Variants in CDH4 observed in about 807,000 individuals in gnomAD.
CDH4 encodes the protein cadherin-4.
A neutral mutation model predicts 86.0 loss-of-function variants in CDH4; 33 were observed. The ratio of observed to expected loss-of-function variants is 0.38; its 90% CI spans 0.29 to 0.51. The LOEUF (loss-of-function observed/expected upper bound fraction) is 0.51, where lower values mean the gene tolerates loss of function less well. Among genes scored for constraint, CDH4 ranks in the 20% least tolerant of loss-of-function variants. The probability of loss-of-function intolerance (pLI) is 0.86; values close to 1 mark genes in which losing one functional copy is unlikely to be tolerated. For synonymous variants in CDH4, 555 were observed against 549.4 expected (o/e 1.01, Z -0.14); for missense variants, 1,114 against 1,307.4 (o/e 0.85, Z 2.28).
At chr20:61,587,992 G>C (rs772485324) in intron 2 of CDH4, among the ~76,000 whole-genome samples, 10 of 152,112 alleles carry the variant, frequency 6.6e-5, no homozygotes, top group Non-Finnish European at 1.5e-4. Flanking sequence ...CTGTAAAAGT[G>C]TACAGATTTG....
intron 2 of CDH4, among the ~76,000 whole-genome samples, chr20:61,255,176 C>T (rs1049479577): frequency 1.3e-5 from 2 of 152,176 alleles, no homozygotes; most frequent in East Asian, 1.9e-4. Context: ...AACTGTAATT[C>T]GGATGTAACA....
At chr20:61,706,844 C>T (rs1292378918) in intron 2 of CDH4, among the ~76,000 whole-genome samples, 1 of 152,366 alleles carries the variant, frequency 6.6e-6, no homozygotes, top group Admixed American at 6.5e-5. Flanking sequence ...CCGACCTCCA[C>T]ATTAGCCGCA....
Position 61,934,138 on chromosome 20 carries a change from A to T in CDH4, c.2462A>T (p.Glu821Val). ...SKAPGVRRVD[E>V]RPVGAEPQYP... ...GCCCCTGGCGTGCGTCGCGTGGATGAGCGGCCGGTGGGCGCTGAGCCCCAG... is the reference window on the plus strand; with the variant it reads ...GCCCCTGGCGTGCGTCGCGTGGATGTGCGGCCGGTGGGCGCTGAGCCCCAG... Residue 821 changes from glutamate (E) to valine (V), a missense_variant, in exon 15 of 16, where the codon GAG becomes GTG. Transcript: ENST00000614565. 6.2e-7 allele frequency: 1 copy of T among 1,610,992 alleles called. No homozygotes were observed. The highest frequency in any genetic ancestry group is 8.5e-7 in the Non-Finnish European group (1 of 1,179,238).
chr20:61,737,930 G>A (rs938540689), intron 2 of CDH4, among the ~76,000 whole-genome samples: 7 of 152,344 alleles, frequency 4.6e-5, no homozygotes, highest in East Asian at 1.9e-4. Flanking sequence ...GTAGGTGTGC[G>A]CAGGGCTGCT....
chr20:61,563,265 C>T (rs916236847), intron 2 of CDH4, among the ~76,000 whole-genome samples: 1 of 152,220 alleles, frequency 6.6e-6, no homozygotes, highest in Non-Finnish European at 1.5e-5. Context: ...TGAAAGTAGC[C>T]GTTTTCACAA....
chr20:61,545,050 G>A (rs2086067861), intron 2 of CDH4, among the ~76,000 whole-genome samples: 1 of 152,216 alleles, frequency 6.6e-6, no homozygotes, highest in Non-Finnish European at 1.5e-5. Context: ...CAGATGGCAG[G>A]AGCGCCCTCG....
At chr20:61,401,089 C>A (rs575573641) in intron 2 of CDH4, among the ~76,000 whole-genome samples, 1 of 152,338 alleles carries the variant, frequency 6.6e-6, no homozygotes, top group South Asian at 2.1e-4. Context: ...ATGCAGGCCT[C>A]TCCAGCCTCA....
chr20:61,751,262 C>T (rs530454955), intron 3 of CDH4, among the ~76,000 whole-genome samples: 3 of 152,330 alleles, frequency 2.0e-5, no homozygotes, highest in South Asian at 4.1e-4. Context: ...ACCCACTAAA[C>T]GCCAGGTAAA....
intron 5 of CDH4, 119 bp from the exon 6 acceptor site, chr20:61,852,635 C>G: frequency 9.9e-7 from 1 of 1,013,306 alleles, no homozygotes; most frequent in Non-Finnish European, 1.4e-6. Flanking sequence ...CCCCCCGGCC[C>G]CTATAGCCAA....
intron 2 of CDH4, among the ~76,000 whole-genome samples, chr20:61,475,250 G>A (rs2085527473): frequency 6.6e-6 from 1 of 151,926 alleles, no homozygotes; most frequent in Non-Finnish European, 1.5e-5. Context: ...AATAAAATCA[G>A]CCAAACCACA....
intron 2 of CDH4, among the ~76,000 whole-genome samples, chr20:61,487,351 A>G (rs1326597667): frequency 2.0e-5 from 3 of 152,114 alleles, no homozygotes; most frequent in Non-Finnish European, 4.4e-5. Context: ...GGGGTGAGGA[A>G]TGAAATTTGG....
intron 2 of CDH4, among the ~76,000 whole-genome samples, chr20:61,458,648 G>A (rs1192063512): frequency 6.6e-6 from 1 of 152,150 alleles, no homozygotes; most frequent in African/African-American, 2.4e-5. Context: ...TGGTGGTGAT[G>A]ATGGTGATAA....
At chr20:61,859,859 C>T (rs191380501) in intron 6 of CDH4, among the ~76,000 whole-genome samples, 24 of 152,384 alleles carry the variant, frequency 1.6e-4, no homozygotes, top group African/African-American at 5.3e-4. Flanking sequence ...TCACCTGTGT[C>T]CCTCCACCAG....
At chr20:61,915,905 T>C (rs1030969960) in intron 9 of CDH4, among the ~76,000 whole-genome samples, 1 of 152,116 alleles carries the variant, frequency 6.6e-6, no homozygotes, top group Admixed American at 6.5e-5. Flanking sequence ...TTTGAGGAGC[T>C]GAGAGCACAG....
At chr20:61,821,963 C>T (rs562698247) in intron 4 of CDH4, among the ~76,000 whole-genome samples, 1 of 152,380 alleles carries the variant, frequency 6.6e-6, no homozygotes, top group African/African-American at 2.4e-5. Flanking sequence ...ATTCCCCAGG[C>T]TCTTCATGAG....
chr20:61,667,556 C>T (rs564547113), intron 2 of CDH4, among the ~76,000 whole-genome samples: 9 of 152,324 alleles, frequency 5.9e-5, no homozygotes, highest in African/African-American at 1.4e-4. Context: ...CCCACTGCAC[C>T]AGCTGCACAT....
chr20:61,893,664 T>C (rs1461639049), intron 7 of CDH4, among the ~76,000 whole-genome samples: 2 of 139,772 alleles, frequency 1.4e-5, no homozygotes, highest in African/African-American at 5.5e-5. Flanking sequence ...GATGGGTGAA[T>C]AGAGGGATAG....
At chr20:61,767,806 C>T (rs2088718068) in intron 3 of CDH4, among the ~76,000 whole-genome samples, 1 of 152,182 alleles carries the variant, frequency 6.6e-6, no homozygotes, top group South Asian at 2.1e-4. Context: ...GGCCAGTTTC[C>T]AGGCCCAGAA....
At chr20:61,628,254 C>T (rs1376148767) in intron 2 of CDH4, among the ~76,000 whole-genome samples, 1 of 152,154 alleles carries the variant, frequency 6.6e-6, no homozygotes, top group Non-Finnish European at 1.5e-5. Flanking sequence ...GCTGAGGTCT[C>T]GTAGAGATGG....
Sources: gnomAD v4.1 joint callset for allele counts (sites outside exome capture counted in the v4.1 genomes callset) on GRCh38, gnomAD v4.1.1 for gene constraint, MANE v1.5 for transcripts, NCBI Gene and HGNC (gene_info 2026-07-23, HGNC 2026-07-21) for gene names.